Variants in LRRTM4 observed in about 807,000 individuals in gnomAD.
The protein encoded by LRRTM4 is leucine rich repeat transmembrane neuronal 4.
A neutral mutation model predicts 47.6 loss-of-function variants in LRRTM4; 25 were observed. That is an observed-to-expected ratio of 0.53 (90% CI 0.38 to 0.73). The LOEUF (loss-of-function observed/expected upper bound fraction) is 0.73. Ranked by LOEUF, LRRTM4 falls within the 30% of genes least tolerant of loss-of-function variation. LRRTM4 has a pLI of 0.00. For missense variants in LRRTM4, 638 were observed against 713.4 expected (o/e 0.89, Z 1.20); for synonymous variants, 311 against 269.5 (o/e 1.15, Z -1.51).
intron 3 of LRRTM4, among the ~76,000 whole-genome samples, chr2:77,314,103 G>A (rs892207282): frequency 1.2e-4 from 18 of 152,098 alleles, no homozygotes; most frequent in Admixed American, 1.1e-3. Flanking sequence ...ATTGTAAGGA[G>A]CAAACTCACG....
At chr2:77,228,335 A>G (rs569631437) in intron 3 of LRRTM4, among the ~76,000 whole-genome samples, 7 of 152,134 alleles carry the variant, frequency 4.6e-5, no homozygotes, top group Admixed American at 4.6e-4. Flanking sequence ...AATCCAATCT[A>G]ATCTGGTTTT....
chr2:76,836,556 A>G (rs1004237379), intron 3 of LRRTM4, among the ~76,000 whole-genome samples: 4 of 151,830 alleles, frequency 2.6e-5, no homozygotes, highest in South Asian at 2.1e-4. Flanking sequence ...TAATAATAAT[A>G]TTGATGATAA....
chr2:77,223,043 C>A (rs1337001702), intron 3 of LRRTM4, among the ~76,000 whole-genome samples: 1 of 152,048 alleles, frequency 6.6e-6, no homozygotes, highest in African/African-American at 2.4e-5. Context: ...GGATGCAAGG[C>A]TGGTTCAACA....
chr2:77,195,135 A>G (rs1673774657), intron 3 of LRRTM4, among the ~76,000 whole-genome samples: 1 of 151,990 alleles, frequency 6.6e-6, no homozygotes, highest in African/African-American at 2.4e-5. Context: ...TTTACTATAT[A>G]AGAATCCATT....
chr2:77,052,678 C>A (rs992111225), intron 3 of LRRTM4, among the ~76,000 whole-genome samples: 1 of 151,700 alleles, frequency 6.6e-6, no homozygotes, highest in South Asian at 2.1e-4. Flanking sequence ...ATAAGCATTG[C>A]TTTTCTTCTC....
At chr2:77,300,734 A>C (rs1472740762) in intron 3 of LRRTM4, among the ~76,000 whole-genome samples, 1 of 152,142 alleles carries the variant, frequency 6.6e-6, no homozygotes. Flanking sequence ...ATGCCTGCTC[A>C]TATGTTCATT....
chr2:77,198,789 G>T, intron 3 of LRRTM4, among the ~76,000 whole-genome samples: 1 of 152,136 alleles, frequency 6.6e-6, no homozygotes, highest in East Asian at 1.9e-4. Context: ...TGCTAATGTA[G>T]TCCTCCTTGC....
chr2:76,861,536 A>G lies in LRRTM4; in HGVS notation c.1552-112620T>C, dbSNP rs185735038. On this transcript the variant is annotated intron_variant, in intron 3 of 3. Transcript: ENST00000409884. Reference sequence around the variant, plus strand: ...CTTTCTGAGCTCTAGTACAAATGCCATCTTTTCAACAGCCATACTCTCTGT... The same window carrying G: ...CTTTCTGAGCTCTAGTACAAATGCCGTCTTTTCAACAGCCATACTCTCTGT... Among the ~76,000 whole-genome samples the G allele has an allele frequency of 6.8e-3, 1,034 of 152,272 alleles. 12 individuals carry two copies. The highest frequency in any genetic ancestry group is 0.023 in the African/African-American group (948 of 41,560).
chr2:77,183,363 A>G (rs530222549), intron 3 of LRRTM4, among the ~76,000 whole-genome samples: 1 of 152,190 alleles, frequency 6.6e-6, no homozygotes, highest in Non-Finnish European at 1.5e-5. Flanking sequence ...GAGAAATGCA[A>G]ATCAAAACCA....
intron 3 of LRRTM4, among the ~76,000 whole-genome samples, chr2:77,104,034 G>A (rs560853125): frequency 6.6e-6 from 1 of 152,144 alleles, no homozygotes; most frequent in South Asian, 2.1e-4. Flanking sequence ...TTACTAACAA[G>A]ATCAAAGAAA....
chr2:77,163,013 T>A (rs1399311926), intron 3 of LRRTM4, among the ~76,000 whole-genome samples: 1 of 151,890 alleles, frequency 6.6e-6, no homozygotes, highest in African/African-American at 2.4e-5. Context: ...AGACAATAGG[T>A]AATAACAAAC....
chr2:77,009,949 A>C (rs1020740687), intron 3 of LRRTM4, among the ~76,000 whole-genome samples: 2 of 151,558 alleles, frequency 1.3e-5, no homozygotes, highest in African/African-American at 4.9e-5. Flanking sequence ...TAAACTTAAA[A>C]TTTCATCAGG....
chr2:76,772,334 C>T (rs1673748232), intron 3 of LRRTM4, among the ~76,000 whole-genome samples: 1 of 152,038 alleles, frequency 6.6e-6, no homozygotes, highest in Non-Finnish European at 1.5e-5. Context: ...TTAATTAAAG[C>T]CACCCAGTCT....
At chr2:76,932,743 C>A (rs898587333) in intron 3 of LRRTM4, among the ~76,000 whole-genome samples, 1 of 151,874 alleles carries the variant, frequency 6.6e-6, no homozygotes, top group African/African-American at 2.4e-5. Flanking sequence ...TGTGTTCTCT[C>A]TATATATACA....
chr2:77,446,520 C>A (rs976962649), intron 3 of LRRTM4, among the ~76,000 whole-genome samples: 3 of 152,036 alleles, frequency 2.0e-5, no homozygotes, highest in African/African-American at 7.2e-5. Context: ...ATTATTCTTA[C>A]AACTAACTTA....
chr2:77,247,710 G>A (rs570234143), intron 3 of LRRTM4, among the ~76,000 whole-genome samples: 1 of 152,098 alleles, frequency 6.6e-6, no homozygotes, highest in Admixed American at 6.5e-5. Flanking sequence ...TTGAGCAACA[G>A]AAAAATGTCA....
intron 3 of LRRTM4, among the ~76,000 whole-genome samples, chr2:77,088,303 T>G (rs186668896): frequency 5.8e-4 from 89 of 152,178 alleles, no homozygotes; most frequent in African/African-American, 1.4e-3. Context: ...TGAAGTAACT[T>G]AAGAATCACA....
chr2:77,185,568 T>G (rs1026300742), intron 3 of LRRTM4, among the ~76,000 whole-genome samples: 1 of 152,128 alleles, frequency 6.6e-6, no homozygotes, highest in African/African-American at 2.4e-5. Context: ...AAGGTCTGTG[T>G]GCATATTTGG....
intron 3 of LRRTM4, among the ~76,000 whole-genome samples, chr2:77,015,519 T>G (rs1200059471): frequency 6.6e-6 from 1 of 151,952 alleles, no homozygotes; most frequent in South Asian, 2.1e-4. Context: ...AGATACAGGA[T>G]TTCACCATGT....
Sources: allele counts gnomAD v4.1 joint callset (sites outside exome capture counted in the v4.1 genomes callset), GRCh38; gene constraint gnomAD v4.1.1; transcripts MANE v1.5; gene names NCBI Gene and HGNC (gene_info 2026-07-23, HGNC 2026-07-21).